Variants in COL4A5 observed in about 807,000 individuals in gnomAD.
The protein encoded by COL4A5 is collagen alpha-5(IV) chain.
COL4A5 carries 26 observed loss-of-function variants against 130.2 expected under a neutral mutation model. The observed-to-expected ratio is 0.20, with a 90% CI of 0.15 to 0.28. The LOEUF (loss-of-function observed/expected upper bound fraction) is 0.28. Ranked by LOEUF, COL4A5 falls within the 10% of genes least tolerant of loss-of-function variation. The probability of loss-of-function intolerance (pLI) is 1.00; values close to 1 mark genes in which losing one functional copy is unlikely to be tolerated. For synonymous variants in COL4A5, 496 were observed against 439.6 expected, an observed-to-expected ratio of 1.13 and a Z score of -1.60; for missense variants, 1,131 against 1,344.3, an observed-to-expected ratio of 0.84 and a Z score of 2.48.
chrX:108,471,790 G>A (rs943224492), intron 1 of COL4A5, among the ~76,000 whole-genome samples: 1 of 111,139 alleles, frequency 9.0e-6, no homozygotes, highest in African/African-American at 3.3e-5. Context: ...CCAACTTTTG[G>A]TTTCATTGAT....
At chrX:108,694,493 A>G in intron 50 of COL4A5, 1 of 305,366 alleles carries the variant, frequency 3.3e-6, no homozygotes, top group Non-Finnish European at 5.9e-6. Context: ...TATGTGCAAT[A>G]CACCAAACCA....
In COL4A5 at chrX:108,696,469, T is replaced by TA; in HGVS notation, c.*92dup. 1 of 670,502 alleles carries TA rather than the reference T, an allele frequency of 1.5e-6. No individual in the cohort carries two copies. 55.3% of individuals were successfully genotyped at this position (670,502 alleles called of 1,213,427 possible). On this transcript the variant is annotated 3_prime_UTR_variant, in exon 53 of 53. Coordinates refer to ENST00000328300, the MANE Select transcript of COL4A5 (RefSeq NM_033380.3). ...AGTGTCTCATTGTCCCCAACTTTAC[T>TA]ACTGCTGCCGTCAATGGTGCTACTA...
intron 1 of COL4A5, among the ~76,000 whole-genome samples, chrX:108,467,390 T>G: frequency 8.9e-6 from 1 of 112,181 alleles, no homozygotes; most frequent in Admixed American, 9.5e-5. Context: ...CACACTGTTT[T>G]GCTTACTGCA....
intron 1 of COL4A5, among the ~76,000 whole-genome samples, chrX:108,473,607 A>ATG (rs2064798018): frequency 6.4e-5 from 3 of 46,671 alleles, no homozygotes; most frequent in Admixed American, 3.5e-4. Flanking sequence ...ATATATATAT[A>ATG]TATATGTATA....
At chrX:108,455,846 G>T (rs1319582769) in intron 1 of COL4A5, among the ~76,000 whole-genome samples, 1 of 111,688 alleles carries the variant, frequency 9.0e-6, no homozygotes, top group African/African-American at 3.3e-5. Context: ...ACCTGTTTGT[G>T]CATCCTTATG....
chrX:108,480,603 G>A (rs1041677714), intron 1 of COL4A5, among the ~76,000 whole-genome samples: 3 of 112,901 alleles, frequency 2.7e-5, no homozygotes, highest in Non-Finnish European at 5.6e-5. Flanking sequence ...AAATTGCTTC[G>A]GGTGGGCCTC....
chrX:108,592,248 A>G (rs146605331), intron 21 of COL4A5, among the ~76,000 whole-genome samples: 3 of 111,282 alleles, frequency 2.7e-5, no homozygotes, highest in African/African-American at 9.8e-5. Context: ...CTTGCATATT[A>G]CTGTTACTGC....
At chrX:108,645,120 C>T (rs368274000) in intron 36 of COL4A5, among the ~76,000 whole-genome samples, 1 of 109,714 alleles carries the variant, frequency 9.1e-6, no homozygotes, top group Non-Finnish European at 1.9e-5. Flanking sequence ...ATCAAAAAGA[C>T]GAAAAGAGCA....
intron 1 of COL4A5, among the ~76,000 whole-genome samples, chrX:108,466,338 G>A (rs1374904176): frequency 9.0e-6 from 1 of 111,408 alleles, no homozygotes; most frequent in Admixed American, 9.5e-5. Flanking sequence ...TTTCCTTGGC[G>A]GTTTAAACAT....
chrX:108,646,762 G>A (rs1443310615), intron 36 of COL4A5, among the ~76,000 whole-genome samples: 2 of 111,658 alleles, frequency 1.8e-5, no homozygotes, highest in Admixed American at 9.5e-5. Context: ...TTTGTATAAC[G>A]TGTAAGGAAG....
intron 4 of COL4A5, among the ~76,000 whole-genome samples, chrX:108,567,719 C>G (rs190248433): frequency 1.8e-5 from 2 of 111,474 alleles, no homozygotes; most frequent in Non-Finnish European, 3.8e-5. Flanking sequence ...TGGCAGCAGA[C>G]AAGAGAAAAT....
At chrX:108,558,283 C>T (rs2065855602) in intron 2 of COL4A5, among the ~76,000 whole-genome samples, 2 of 110,490 alleles carry the variant, frequency 1.8e-5, no homozygotes, top group South Asian at 3.9e-4. Flanking sequence ...GGAGTTTACA[C>T]CCTTACTAGG....
chrX:108,584,412 C>T, intron 17 of COL4A5, 72 bp from the exon 18 acceptor site: 1 of 943,018 alleles, frequency 1.1e-6, no homozygotes, highest in Non-Finnish European at 1.5e-6. Context: ...TGGAAAGTTT[C>T]TCTTATATTC....
chrX:108,566,558 T>G (rs1430264980), intron 4 of COL4A5, among the ~76,000 whole-genome samples: 1 of 110,543 alleles, frequency 9.0e-6, no homozygotes, highest in Non-Finnish European at 1.9e-5. Context: ...TTTCTTTCTT[T>G]CTTTTTTGGA....
At chrX:108,474,953 GAT>G (rs781563481) in intron 1 of COL4A5, among the ~76,000 whole-genome samples, 14 of 111,336 alleles carry the variant, frequency 1.3e-4, no homozygotes, top group South Asian at 7.6e-4. Context: ...TCCATTGGTT[GAT>G]ATGTCTGTTT....
At chrX:108,522,040 T>C (rs1218924481) in intron 1 of COL4A5, among the ~76,000 whole-genome samples, 1 of 111,155 alleles carries the variant, frequency 9.0e-6, no homozygotes, top group Non-Finnish European at 1.9e-5. Flanking sequence ...GAACATTTCA[T>C]AGAAGTAAAA....
rs1166494631 is a variant in COL4A5 at position 108,526,595 on chromosome X, CCTTTCTTTCTTTCTTTCTTT to C, written c.82-13103_82-13084del. Among the ~76,000 whole-genome samples, 303 of 33,220 alleles carry C rather than the reference CCTTTCTTTCTTTCTTTCTTT, an allele frequency of 9.1e-3. 5 individuals are homozygous for C. The highest frequency in any genetic ancestry group is 0.034 in the African/African-American group (270 of 7,899). 28.8% of individuals were successfully genotyped at this position (33,220 alleles called of 115,157 possible). On this transcript the variant is annotated intron_variant, in intron 1 of 52. Coordinates refer to ENST00000328300, the MANE Select transcript of COL4A5 (RefSeq NM_033380.3). ...TTCCTCCCTCCCTCCCTCCCTCCCT[CCTTTCTTTCTTTCTTTCTTT>C]CTTTCTTTCTTTCTTTCTTTCTTTC...
intron 19 of COL4A5, among the ~76,000 whole-genome samples, chrX:108,590,664 AAAGTGTGT>A (rs1455101320): frequency 8.9e-6 from 1 of 111,802 alleles, no homozygotes; most frequent in East Asian, 2.8e-4. Context: ...TAGTAACTAA[AAAGTGTGT>A]TAATGGTGCA....
chrX:108,602,024 G>A (rs774582750), intron 27 of COL4A5, 35 bp downstream of exon 27: 1 of 701,702 alleles, frequency 1.4e-6, no homozygotes, highest in Non-Finnish European at 2.2e-6. Context: ...GAGTAGGTTA[G>A]AAGTTTAGCA....
Sources: allele counts gnomAD v4.1 joint callset (sites outside exome capture counted in the v4.1 genomes callset), GRCh38; gene constraint gnomAD v4.1.1; transcripts MANE v1.5; gene names NCBI Gene and HGNC (gene_info 2026-07-23, HGNC 2026-07-21).